HIVEP2: variants seen among roughly 807,000 people sequenced by gnomAD.
The protein encoded by HIVEP2 is transcription factor HIVEP2.
HIVEP2 carries 14 observed loss-of-function variants against 180.7 expected under a neutral mutation model. The observed-to-expected ratio is 0.08, with a 90% CI of 0.05 to 0.12. The LOEUF (loss-of-function observed/expected upper bound fraction) is 0.12. Ranked by LOEUF, HIVEP2 falls within the 10% of genes least tolerant of loss-of-function variation. The pLI, the probability that HIVEP2 is intolerant of heterozygous loss-of-function variation, is 1.00. For missense variants in HIVEP2, 2,579 were observed against 3,008.5 expected, an observed-to-expected ratio of 0.86 and a Z score of 3.34; for synonymous variants, 1,184 against 1,136.4, an observed-to-expected ratio of 1.04 and a Z score of -0.84.
intron 2 of HIVEP2, among the ~76,000 whole-genome samples, chr6:142,819,897 A>C (rs1354254450): frequency 6.6e-6 from 1 of 152,170 alleles, no homozygotes; most frequent in Non-Finnish European, 1.5e-5. Context: ...GTGCAATAAA[A>C]TCCCAAGATT....
chr6:142,833,644 A>G (rs1199244595), intron 2 of HIVEP2, among the ~76,000 whole-genome samples: 2 of 152,234 alleles, frequency 1.3e-5, no homozygotes, highest in Non-Finnish European at 2.9e-5. Flanking sequence ...ATAACCAGGT[A>G]AAATACTTGA....
intron 1 of HIVEP2, among the ~76,000 whole-genome samples, chr6:142,840,066 A>C (rs1374310599): frequency 1.3e-5 from 2 of 152,142 alleles, no homozygotes; most frequent in African/African-American, 4.8e-5. Context: ...GTTCAGAGTG[A>C]GAGAGAACAG....
chr6:142,873,859 T>C (rs1197228655), intron 1 of HIVEP2, among the ~76,000 whole-genome samples: 1 of 152,200 alleles, frequency 6.6e-6, no homozygotes, highest in Non-Finnish European at 1.5e-5. Flanking sequence ...TCAAATTATC[T>C]AAGGAATGAG....
At chr6:142,853,070 C>T (rs1775730063) in intron 1 of HIVEP2, among the ~76,000 whole-genome samples, 1 of 151,678 alleles carries the variant, frequency 6.6e-6, no homozygotes, top group East Asian at 1.9e-4. Flanking sequence ...TTCTTATTGA[C>T]TTCCTTCAGT....
intron 2 of HIVEP2, among the ~76,000 whole-genome samples, chr6:142,784,281 C>A (rs1019540503): frequency 7.9e-5 from 12 of 152,154 alleles, no homozygotes; most frequent in Admixed American, 4.6e-4. Flanking sequence ...TATTATAATA[C>A]CCATAATCGT....
upstream of HIVEP2, among the ~76,000 whole-genome samples, chr6:142,945,623 C>A (rs1259566844): frequency 6.6e-6 from 1 of 152,202 alleles, no homozygotes; most frequent in East Asian, 1.9e-4. This position sits in a 1 kb window ranked among gnomAD's most constrained non-coding sequence, Gnocchi z 5.5. Context: ...GCCGGGAGAC[C>A]CTCCAAGTTG....
intron 1 of HIVEP2, among the ~76,000 whole-genome samples, chr6:142,854,466 G>A (rs1480672619): frequency 6.6e-6 from 1 of 152,122 alleles, no homozygotes; most frequent in Non-Finnish European, 1.5e-5. Context: ...AAATCCTTTA[G>A]ACTAATTGTA....
At chr6:142,931,452 T>TA (rs1777941014) in intron 1 of HIVEP2, among the ~76,000 whole-genome samples, 1 of 152,096 alleles carries the variant, frequency 6.6e-6, no homozygotes, top group African/African-American at 2.4e-5. Flanking sequence ...CTAGTATCAG[T>TA]ATGGCATGTC....
At chr6:142,876,224 C>G (rs1315290357) in intron 1 of HIVEP2, among the ~76,000 whole-genome samples, 1 of 152,116 alleles carries the variant, frequency 6.6e-6, no homozygotes, top group Non-Finnish European at 1.5e-5. Flanking sequence ...GAACTTAAGA[C>G]AGTTAGTAAA....
At chr6:142,854,619 G>T (rs1775771183) in intron 1 of HIVEP2, among the ~76,000 whole-genome samples, 1 of 152,150 alleles carries the variant, frequency 6.6e-6, no homozygotes, top group South Asian at 2.1e-4. Flanking sequence ...TTAGGAGGCT[G>T]GCAGAAAGGG....
intron 1 of HIVEP2, among the ~76,000 whole-genome samples, chr6:142,933,044 A>G (rs1427461249): frequency 6.6e-6 from 1 of 152,238 alleles, no homozygotes; most frequent in African/African-American, 2.4e-5. Flanking sequence ...GAAAGGAAGA[A>G]GTAAAATTTC....
chr6:142,851,885 G>A (rs1775689112), intron 1 of HIVEP2, among the ~76,000 whole-genome samples: 1 of 152,204 alleles, frequency 6.6e-6, no homozygotes, highest in Admixed American at 6.5e-5. Context: ...GAGTTTCAGT[G>A]GGGTTCACTC....
chr6:142,920,351 G>A (rs958295225), intron 1 of HIVEP2, among the ~76,000 whole-genome samples: 6 of 152,142 alleles, frequency 3.9e-5, no homozygotes, highest in African/African-American at 9.7e-5. Flanking sequence ...CTAGTCCTCC[G>A]TCACATGTGA....
chr6:142,793,731 G>A (rs1043421640), intron 2 of HIVEP2, among the ~76,000 whole-genome samples: 8 of 142,910 alleles, frequency 5.6e-5, no homozygotes, highest in African/African-American at 2.1e-4. Flanking sequence ...CTTTCAGACA[G>A]GGTCCAGCTC....
intron 1 of HIVEP2, among the ~76,000 whole-genome samples, chr6:142,841,967 A>G (rs371645964): frequency 6.6e-6 from 1 of 152,214 alleles, no homozygotes; most frequent in African/African-American, 2.4e-5. Flanking sequence ...AATAGAAGAC[A>G]AGTACTTAAA....
chr6:142,918,039 C>G (rs1423888807), intron 1 of HIVEP2, among the ~76,000 whole-genome samples: 1 of 152,238 alleles, frequency 6.6e-6, no homozygotes, highest in South Asian at 2.1e-4. Context: ...TCCCAAAGTG[C>G]TGGGATTATA....
chr6:142,918,497 A>C (rs1293059288), intron 1 of HIVEP2, among the ~76,000 whole-genome samples: 1 of 152,182 alleles, frequency 6.6e-6, no homozygotes, highest in African/African-American at 2.4e-5. Context: ...TCCTAACGAC[A>C]GCATCTGGAT....
intron 1 of HIVEP2, among the ~76,000 whole-genome samples, chr6:142,874,216 C>T (rs1193715596): frequency 1.3e-5 from 2 of 152,096 alleles, no homozygotes; most frequent in East Asian, 3.8e-4. Flanking sequence ...TTTTCAACTA[C>T]TCATGAATAT....
chr6:142,796,040 T>C (rs1776270849), intron 2 of HIVEP2, among the ~76,000 whole-genome samples: 1 of 147,592 alleles, frequency 6.8e-6, no homozygotes. Flanking sequence ...CACATGAAAG[T>C]GACCTGTCAA....
Sources: gnomAD v4.1 joint callset for allele counts (sites outside exome capture counted in the v4.1 genomes callset) on GRCh38, gnomAD v4.1.1 for gene constraint, Gnocchi (gnomAD v3.1) non-coding constraint, MANE v1.5 for transcripts, NCBI Gene and HGNC (gene_info 2026-07-23, HGNC 2026-07-21) for gene names.